CACNA2D3: variants seen among roughly 807,000 people sequenced by gnomAD.
CACNA2D3 encodes the protein voltage-dependent calcium channel subunit alpha-2/delta-3.
Under a neutral mutation model 160.6 loss-of-function variants are expected in CACNA2D3, and 60 were observed. The ratio of observed to expected loss-of-function variants is 0.37; its 90% CI spans 0.30 to 0.46. CACNA2D3 has a LOEUF of 0.46. Ranked by LOEUF, CACNA2D3 falls within the 20% of genes least tolerant of loss-of-function variation. The probability of loss-of-function intolerance (pLI) is 1.00; values close to 1 mark genes in which losing one functional copy is unlikely to be tolerated. For missense variants in CACNA2D3, 1,205 were observed against 1,365.0 expected, an observed-to-expected ratio of 0.88 and a Z score of 1.85; for synonymous variants, 558 against 492.9, an observed-to-expected ratio of 1.13 and a Z score of -1.75.
At chr3:54,139,167 A>G (rs1327178943) in intron 2 of CACNA2D3, among the ~76,000 whole-genome samples, 1 of 152,152 alleles carries the variant, frequency 6.6e-6, no homozygotes, top group Non-Finnish European at 1.5e-5. Flanking sequence ...ATCCAACCTC[A>G]TTTCCTGGTG....
In CACNA2D3 at chr3:55,074,130, G is replaced by GT. The variant is rs1215118065; in HGVS notation, c.3201dup (p.Gly1068TrpfsTer34). ...TCCCCATAGGAGAATGCAAGGGAGTGTGGGGGTGCGCCGAGTCTCCAAGCC... is the reference window on the plus strand; with the variant it reads ...TCCCCATAGGAGAATGCAAGGGAGTGTTGGGGGTGCGCCGAGTCTCCAAGCC... On this transcript the variant is annotated frameshift_variant, in exon 38 of 38. Transcript: ENST00000474759. LOFTEE classifies it high-confidence loss of function. The GT allele has an allele frequency of 5.0e-6, 8 of 1,613,676 alleles. No individual in the cohort carries two copies. The highest frequency in any genetic ancestry group is 1.3e-5 in the African/African-American group (1 of 74,898).
In CACNA2D3 at chr3:54,833,636, G is replaced by A. The variant is rs570453533; in HGVS notation, c.1399-3523G>A. Among the ~76,000 whole-genome samples, 41 of 152,144 alleles carry A rather than the reference G, an allele frequency of 2.7e-4. No homozygotes were observed. In the South Asian group the frequency reaches 7.9e-3, roughly 29 times the overall value. ...CATTGACTGCTATTTCCTATGGCAA[G>A]AGTATAGAATGCCTTTCAATCATAA... On this transcript the variant is annotated intron_variant, in intron 14 of 37. Coordinates refer to ENST00000474759, the MANE Select transcript of CACNA2D3 (RefSeq NM_018398.3).
At chr3:54,466,951 G>T (rs1192534898) in intron 4 of CACNA2D3, among the ~76,000 whole-genome samples, 1 of 152,208 alleles carries the variant, frequency 6.6e-6, no homozygotes, top group African/African-American at 2.4e-5. Context: ...GGGTTCTGCT[G>T]TGCTGTGGCT....
intron 2 of CACNA2D3, among the ~76,000 whole-genome samples, chr3:54,222,178 G>A (rs562410636): frequency 1.2e-4 from 18 of 152,294 alleles, no homozygotes; most frequent in Admixed American, 9.8e-4. Context: ...ATGCAATTAC[G>A]GAGGCTGACA....
intron 2 of CACNA2D3, among the ~76,000 whole-genome samples, chr3:54,293,563 TTA>T (rs35283142): frequency 0.22 from 32,551 of 149,756 alleles, 3,695 homozygotes; most frequent in East Asian, 0.32. Flanking sequence ...TAATATTCTA[TTA>T]TATATATATA....
chr3:55,044,675 A>AC (rs1486356548), intron 35 of CACNA2D3, among the ~76,000 whole-genome samples: 1 of 151,830 alleles, frequency 6.6e-6, no homozygotes, highest in African/African-American at 2.4e-5. Flanking sequence ...GCCAGCAGAC[A>AC]CCCTGGCCAT....
intron 11 of CACNA2D3, among the ~76,000 whole-genome samples, chr3:54,680,491 G>C (rs1036390823): frequency 6.6e-6 from 1 of 152,198 alleles, no homozygotes; most frequent in Non-Finnish European, 1.5e-5. Context: ...CCTGGGTCTT[G>C]CCTGAGGAGA....
At chr3:54,622,270 G>GT in intron 9 of CACNA2D3, among the ~76,000 whole-genome samples, 1 of 152,252 alleles carries the variant, frequency 6.6e-6, no homozygotes, top group Non-Finnish European at 1.5e-5. Context: ...CCCCAGTTCA[G>GT]TTTTTTGTTT....
intron 8 of CACNA2D3, among the ~76,000 whole-genome samples, chr3:54,572,033 A>C (rs1015849359): frequency 6.6e-6 from 1 of 151,770 alleles, no homozygotes; most frequent in Non-Finnish European, 1.5e-5. Flanking sequence ...ACCCGCAAGG[A>C]GAGTATGTTG....
chr3:54,404,271 A>G (rs1238646383), intron 4 of CACNA2D3, among the ~76,000 whole-genome samples: 1 of 152,212 alleles, frequency 6.6e-6, no homozygotes, highest in Non-Finnish European at 1.5e-5. Context: ...CTCAAATTCA[A>G]GAACAAATCA....
intron 3 of CACNA2D3, among the ~76,000 whole-genome samples, chr3:54,370,361 G>T (rs140287454): frequency 2.0e-5 from 3 of 152,100 alleles, no homozygotes; most frequent in African/African-American, 7.2e-5. Context: ...TTTATTTAGC[G>T]TTTCTTGTTC....
At chr3:55,011,227 A>G (rs1703205003) in intron 34 of CACNA2D3, among the ~76,000 whole-genome samples, 2 of 152,228 alleles carry the variant, frequency 1.3e-5, no homozygotes, top group African/African-American at 4.8e-5. Context: ...GGAGGCTGAC[A>G]GCCCAGTGGA....
At chr3:54,833,277 C>T (rs969647432) in intron 14 of CACNA2D3, among the ~76,000 whole-genome samples, 1 of 152,196 alleles carries the variant, frequency 6.6e-6, no homozygotes, top group African/African-American at 2.4e-5. Context: ...CAGAGGCCTG[C>T]TTAAAGCCTG....
chr3:54,153,158 T>G (rs1441767790), intron 2 of CACNA2D3, among the ~76,000 whole-genome samples: 1 of 152,190 alleles, frequency 6.6e-6, no homozygotes, highest in Non-Finnish European at 1.5e-5. Context: ...TCTGTGACCT[T>G]GGGCGGGTAT....
chr3:55,018,540 A>T (rs139270586), intron 35 of CACNA2D3, among the ~76,000 whole-genome samples: 125 of 152,350 alleles, frequency 8.2e-4, no homozygotes, highest in African/African-American at 2.7e-3. Context: ...GACATCCTGC[A>T]GTATAGGAGA....
intron 11 of CACNA2D3, among the ~76,000 whole-genome samples, chr3:54,736,585 C>G (rs149409133): frequency 0.012 from 1,810 of 152,236 alleles, 14 homozygotes; most frequent in Non-Finnish European, 0.02. Flanking sequence ...ACATCATTTT[C>G]AATTTGATAG....
At chr3:54,623,714 T>C (rs1227418541) in intron 9 of CACNA2D3, among the ~76,000 whole-genome samples, 1 of 152,218 alleles carries the variant, frequency 6.6e-6, no homozygotes, top group Non-Finnish European at 1.5e-5. Flanking sequence ...GTTCATTAAT[T>C]GGCAGTGTCC....
intron 2 of CACNA2D3, among the ~76,000 whole-genome samples, chr3:54,129,351 A>G (rs1226306838): frequency 6.6e-6 from 1 of 152,228 alleles, no homozygotes; most frequent in African/African-American, 2.4e-5. Flanking sequence ...GTTCATTTCT[A>G]ATAAATGGTA....
At chr3:54,394,318 A>ATTTT (rs34291779) in intron 4 of CACNA2D3, among the ~76,000 whole-genome samples, 2,241 of 139,300 alleles carry the variant, frequency 0.016, 37 homozygotes, top group African/African-American at 0.04. Context: ...GAGAGTGAAC[A>ATTTT]TTTTTTTTTT....
Sources: gnomAD v4.1 joint callset for allele counts (sites outside exome capture counted in the v4.1 genomes callset) on GRCh38, gnomAD v4.1.1 for gene constraint, MANE v1.5 for transcripts, NCBI Gene and HGNC (gene_info 2026-07-23, HGNC 2026-07-21) for gene names.